AKAP6: variants seen among roughly 807,000 people sequenced by gnomAD.
AKAP6 encodes A-kinase anchoring protein 6, also known as A-kinase anchor protein 6.
A neutral mutation model predicts 188.5 loss-of-function variants in AKAP6; 58 were observed. The observed-to-expected ratio is 0.31, with a 90% CI of 0.25 to 0.38. The LOEUF (loss-of-function observed/expected upper bound fraction) is 0.38, where lower values mean the gene tolerates loss of function less well. AKAP6 is among the 10% of genes least tolerant of loss of function. The pLI, the probability that AKAP6 is intolerant of heterozygous loss-of-function variation, is 1.00. For synonymous variants in AKAP6, 989 were observed against 998.6 expected (o/e 0.99, Z 0.18); for missense variants, 2,710 against 2,740.0 (o/e 0.99, Z 0.24).
intron 2 of AKAP6, among the ~76,000 whole-genome samples, chr14:32,517,245 G>A (rs1412929231): frequency 6.6e-6 from 1 of 152,178 alleles, no homozygotes; most frequent in Non-Finnish European, 1.5e-5. Flanking sequence ...ATAAAGGGAA[G>A]CATCTTCTAT....
At chr14:32,547,077 A>G in intron 4 of AKAP6, 78 bp downstream of exon 4, 1 of 1,294,574 alleles carries the variant, frequency 7.7e-7, no homozygotes, top group Non-Finnish European at 1.1e-6. Context: ...ACACTCCTAC[A>G]CTCTATTATA....
In AKAP6 at chr14:32,696,087, GAGC is replaced by G; in HGVS notation, c.2988_2990del (p.Gln996del). 2 of 1,610,474 alleles carry G rather than the reference GAGC, an allele frequency of 1.2e-6. No individual in the cohort carries two copies. The highest frequency in any genetic ancestry group is 1.1e-5 in the South Asian group (1 of 90,380). On this transcript the variant is annotated inframe_deletion, in exon 9 of 14. Coordinates refer to ENST00000280979, the MANE Select transcript of AKAP6 (RefSeq NM_004274.5). ...CAGCCACGACCTGATGATGTCAGAG[GAGC>G]AGCAGCAGCATCTTTACAAGGTTAG...
At chr14:32,649,962 A>G (rs1888141910) in intron 7 of AKAP6, among the ~76,000 whole-genome samples, 1 of 152,178 alleles carries the variant, frequency 6.6e-6, no homozygotes. Flanking sequence ...CTCATATTTT[A>G]TATAGATCAC....
rs186499815 is a variant in AKAP6, at chr14:32,818,653, A to C, written c.3589-2749A>C. On this transcript the variant is annotated intron_variant, in intron 12 of 13. Coordinates refer to ENST00000280979, the MANE Select transcript of AKAP6 (RefSeq NM_004274.5). Reference sequence around the variant, plus strand: ...ATTTTTTCCTTTAGGTGCTGCTATAAATTTTATAGTTTCTTAGGCTTGAAT... The same window carrying C: ...ATTTTTTCCTTTAGGTGCTGCTATACATTTTATAGTTTCTTAGGCTTGAAT... Among the ~76,000 whole-genome samples, 11 of 152,238 alleles carry C rather than the reference A, an allele frequency of 7.2e-5. No homozygotes were observed. The East Asian group carries it at 1.7e-3, about 24-fold the overall frequency.
intron 13 of AKAP6, among the ~76,000 whole-genome samples, chr14:32,826,802 A>G (rs1304444334): frequency 1.3e-5 from 2 of 152,162 alleles, no homozygotes; most frequent in African/African-American, 4.8e-5. Flanking sequence ...AAGCAGGGAC[A>G]ATGTCAAACT....
intron 1 of AKAP6, among the ~76,000 whole-genome samples, chr14:32,404,691 G>GATATATATATATATAT (rs55702209): frequency 0.091 from 4,043 of 44,362 alleles, 685 homozygotes; most frequent in Middle Eastern, 0.21. Context: ...GGAGTCAGGA[G>GATATATATATATATAT]ATATATATAT....
At chr14:32,387,289 C>G (rs1178303707) in intron 1 of AKAP6, among the ~76,000 whole-genome samples, 1 of 151,888 alleles carries the variant, frequency 6.6e-6, no homozygotes, top group African/African-American at 2.4e-5. Context: ...TTATTTCTTT[C>G]TTTTGTCTGA....
At chr14:32,700,823 G>A (rs967318779) in intron 9 of AKAP6, among the ~76,000 whole-genome samples, 2 of 152,158 alleles carry the variant, frequency 1.3e-5, no homozygotes, top group Non-Finnish European at 2.9e-5. Context: ...AGACCAGAAA[G>A]TGAGGTGGGG....
intron 2 of AKAP6, among the ~76,000 whole-genome samples, chr14:32,469,375 A>G: frequency 6.6e-6 from 1 of 152,220 alleles, no homozygotes; most frequent in Admixed American, 6.5e-5. Context: ...ACAAAAGTTT[A>G]TACATTTAAA....
At chr14:32,492,491 G>A (rs912681200) in intron 2 of AKAP6, among the ~76,000 whole-genome samples, 1 of 151,734 alleles carries the variant, frequency 6.6e-6, no homozygotes, top group Non-Finnish European at 1.5e-5. Context: ...TTAGGAATAT[G>A]TTTCAAATAA....
At position 32,376,862 on chromosome 14, in the gene AKAP6, A is replaced by C. The variant is rs141564861; in HGVS notation, c.-35+47454A>C. Among the ~76,000 whole-genome samples, 251 of 152,024 alleles carry C rather than the reference A, an allele frequency of 1.7e-3. 1 individual carries two copies. The highest frequency in any genetic ancestry group is 9.5e-3 in the East Asian group (49 of 5,148). On this transcript the variant is annotated intron_variant, in intron 1 of 13. Transcript: ENST00000280979. Reference sequence around the variant, plus strand: ...CAGGTGCCCACCATCATGACTGACAAATTTTTGTATTTTTAGTAGAGATGG... The same window carrying C: ...CAGGTGCCCACCATCATGACTGACACATTTTTGTATTTTTAGTAGAGATGG...
intron 11 of AKAP6, among the ~76,000 whole-genome samples, chr14:32,747,327 A>G (rs1203569196): frequency 6.6e-6 from 1 of 152,232 alleles, no homozygotes; most frequent in Non-Finnish European, 1.5e-5. Flanking sequence ...TCTAACTTGG[A>G]GCCATTACAA....
chr14:32,639,506 T>C (rs1174836612), intron 7 of AKAP6, among the ~76,000 whole-genome samples: 1 of 152,166 alleles, frequency 6.6e-6, no homozygotes, highest in Non-Finnish European at 1.5e-5. Context: ...CAAGGGTTCA[T>C]TGAGTATCTT....
chr14:32,543,655 A>G (rs1392715354), intron 3 of AKAP6, among the ~76,000 whole-genome samples: 1 of 152,190 alleles, frequency 6.6e-6, no homozygotes, highest in African/African-American at 2.4e-5. Flanking sequence ...AGGACTTTAA[A>G]CAAAGAAGTA....
chr14:32,593,011 A>AACAC (rs60277036), intron 5 of AKAP6, among the ~76,000 whole-genome samples: 5,721 of 123,778 alleles, frequency 0.046, 260 homozygotes, highest in African/African-American at 0.074. Context: ...CCCCCACCCC[A>AACAC]ACACACACAC....
At chr14:32,762,335 T>C (rs1413799429) in intron 11 of AKAP6, among the ~76,000 whole-genome samples, 1 of 152,146 alleles carries the variant, frequency 6.6e-6, no homozygotes, top group African/African-American at 2.4e-5. Flanking sequence ...CTTCATATTG[T>C]TTTATATGTC....
chr14:32,685,760 C>T (rs918775152), intron 8 of AKAP6, among the ~76,000 whole-genome samples: 3 of 147,522 alleles, frequency 2.0e-5, no homozygotes, highest in Non-Finnish European at 4.5e-5. Flanking sequence ...CTGTGCAGTT[C>T]AAATGGCTTT....
intron 12 of AKAP6, among the ~76,000 whole-genome samples, chr14:32,786,742 G>A (rs919796766): frequency 6.6e-6 from 1 of 152,092 alleles, no homozygotes; most frequent in African/African-American, 2.4e-5. Context: ...CAGACAAGTA[G>A]TTATCAGTAG....
chr14:32,524,506 T>A (rs1882023344), intron 2 of AKAP6, among the ~76,000 whole-genome samples: 1 of 152,156 alleles, frequency 6.6e-6, no homozygotes, highest in Non-Finnish European at 1.5e-5. Flanking sequence ...TTTATTTGTG[T>A]GTGTGAGACA....
Sources: allele counts gnomAD v4.1 joint callset (sites outside exome capture counted in the v4.1 genomes callset), GRCh38; gene constraint gnomAD v4.1.1; transcripts MANE v1.5; gene names NCBI Gene and HGNC (gene_info 2026-07-23, HGNC 2026-07-21).